Variants in TAFA5 observed in about 807,000 individuals in gnomAD.
The protein encoded by TAFA5 is chemokine-like protein TAFA-5.
Under a neutral mutation model 15.3 loss-of-function variants are expected in TAFA5, and 6 were observed. The observed-to-expected ratio is 0.39, with a 90% CI of 0.21 to 0.77. The LOEUF is 0.77. Among genes scored for constraint, TAFA5 ranks in the 30% least tolerant of loss-of-function variants. The pLI, the probability that TAFA5 is intolerant of heterozygous loss-of-function variation, is 0.41. For synonymous variants in TAFA5, 103 were observed against 80.7 expected, an observed-to-expected ratio of 1.28 and a Z score of -1.48; for missense variants, 161 against 193.1, an observed-to-expected ratio of 0.83 and a Z score of 0.98.
At chr22:48,659,373 G>C (rs1361016451) in intron 2 of TAFA5, among the ~76,000 whole-genome samples, 1 of 152,244 alleles carries the variant, frequency 6.6e-6, no homozygotes, top group African/African-American at 2.4e-5. Context: ...CAGCCAGGAG[G>C]CTGAGTCCAA....
rs1169192312 is a variant in TAFA5 at position 48,592,187 on chromosome 22, G to A, written c.113-54410G>A. Among the ~76,000 whole-genome samples, 3 of 152,184 alleles carry A rather than the reference G, an allele frequency of 2.0e-5. No homozygotes were observed. In the South Asian group the frequency reaches 6.2e-4, roughly 31 times the overall value. On this transcript the variant is annotated intron_variant, in intron 1 of 3. Coordinates refer to ENST00000402357, the MANE Select transcript of TAFA5 (RefSeq NM_001082967.3). ...CACCCATGGTGCTGACCCTGTGCCA[G>A]TGCTGTGCCCAGGGCACTGTGCCAG...
chr22:48,646,417 A>G (rs769749825), intron 1 of TAFA5, among the ~76,000 whole-genome samples, 180 bp from the exon 2 acceptor site: 13 of 152,168 alleles, frequency 8.5e-5, no homozygotes, highest in Non-Finnish European at 1.3e-4. Context: ...TCTGGCTTCC[A>G]TCGAGCGCTC....
chr22:48,629,525 G>A (rs910962759), intron 1 of TAFA5, among the ~76,000 whole-genome samples: 8 of 152,188 alleles, frequency 5.3e-5, no homozygotes, highest in African/African-American at 4.8e-5. Context: ...GCCTAGAAAC[G>A]GTCTGAAAGG....
rs530400003 is a variant in TAFA5, at chr22:48,654,027, T to C, written c.262+7281T>C. Reference sequence around the variant, plus strand: ...CACGGCGGCTCTGGAGGGAAGGGGGTGGTCTCCTTGCTCTAGCCTCTCCAT... The same window carrying C: ...CACGGCGGCTCTGGAGGGAAGGGGGCGGTCTCCTTGCTCTAGCCTCTCCAT... On this transcript the variant is annotated intron_variant, in intron 2 of 3. Coordinates refer to ENST00000402357, the MANE Select transcript of TAFA5 (RefSeq NM_001082967.3). Among the ~76,000 whole-genome samples, 209 of 151,148 alleles carry C rather than the reference T, an allele frequency of 1.4e-3. 1 individual carries two copies. Among genetic ancestry groups the C allele is most frequent in the South Asian group, 4.0e-3 (19 of 4,752 alleles).
chr22:48,634,942 C>T (rs1926392599), intron 1 of TAFA5, among the ~76,000 whole-genome samples: 1 of 152,128 alleles, frequency 6.6e-6, no homozygotes, highest in African/African-American at 2.4e-5. Flanking sequence ...TTTGTGTCCA[C>T]ACCAAAGAGG....
intron 2 of TAFA5, among the ~76,000 whole-genome samples, chr22:48,683,179 A>G (rs1195777260): frequency 6.6e-6 from 1 of 152,146 alleles, no homozygotes; most frequent in African/African-American, 2.4e-5. Context: ...TGGTAAACGC[A>G]CACACACAGA....
chr22:48,542,976 T>C (rs1214568151), intron 1 of TAFA5, among the ~76,000 whole-genome samples: 3 of 151,688 alleles, frequency 2.0e-5, no homozygotes, highest in Non-Finnish European at 4.4e-5. Context: ...TGGTGTGTAG[T>C]GTGTGATGTG....
At chr22:48,631,568 C>T (rs996086726) in intron 1 of TAFA5, among the ~76,000 whole-genome samples, 5 of 152,216 alleles carry the variant, frequency 3.3e-5, no homozygotes, top group African/African-American at 1.2e-4. Flanking sequence ...GGACCAGAGC[C>T]CCTGCTGCCT....
chr22:48,540,424 G>A (rs1007425052), intron 1 of TAFA5, among the ~76,000 whole-genome samples: 51 of 152,064 alleles, frequency 3.4e-4, no homozygotes, highest in Non-Finnish European at 1.8e-4. Flanking sequence ...ACTGACACCC[G>A]CCATGGGAAC....
intron 1 of TAFA5, among the ~76,000 whole-genome samples, chr22:48,624,471 C>T (rs1398668267): frequency 6.6e-6 from 1 of 152,192 alleles, no homozygotes; most frequent in Non-Finnish European, 1.5e-5. Flanking sequence ...TCTTCAGCGT[C>T]GGAGACATGC....
intron 3 of TAFA5, 115 bp downstream of exon 3, chr22:48,707,959 T>G: frequency 1.4e-6 from 2 of 1,379,640 alleles, no homozygotes; most frequent in African/African-American, 1.4e-5. Flanking sequence ...TCCATCCTCA[T>G]GCAGAGAGGC....
intron 1 of TAFA5, among the ~76,000 whole-genome samples, chr22:48,615,793 A>AT (rs1925581104): frequency 6.6e-6 from 1 of 152,130 alleles, no homozygotes; most frequent in Non-Finnish European, 1.5e-5. Context: ...GCGGGGGACC[A>AT]TGGAGGTACA....
intron 1 of TAFA5, among the ~76,000 whole-genome samples, chr22:48,634,254 A>G (rs1926358224): frequency 6.6e-6 from 1 of 151,862 alleles, no homozygotes; most frequent in Non-Finnish European, 1.5e-5. Context: ...TTATTCAATC[A>G]TTTACTCATT....
At chr22:48,635,066 GC>G (rs1926396460) in intron 1 of TAFA5, among the ~76,000 whole-genome samples, 1 of 152,230 alleles carries the variant, frequency 6.6e-6, no homozygotes, top group Non-Finnish European at 1.5e-5. Context: ...CCACCATCCT[GC>G]CCGGGCTGTT....
chr22:48,561,456 T>C (rs1459541159), intron 1 of TAFA5, among the ~76,000 whole-genome samples: 1 of 152,138 alleles, frequency 6.6e-6, no homozygotes, highest in African/African-American at 2.4e-5. Flanking sequence ...AGGGGCTGTG[T>C]TTCCAGCCTC....
chr22:48,578,939 G>A (rs553690460), intron 1 of TAFA5, among the ~76,000 whole-genome samples: 1 of 152,372 alleles, frequency 6.6e-6, no homozygotes, highest in South Asian at 2.1e-4. Context: ...CTGTCCAGCA[G>A]GAGGGAGGGA....
chr22:48,522,930 G>C lies in TAFA5; in HGVS notation c.112+33226G>C, dbSNP rs371335959. ...TGGGGGACTAGAGGGTGGGGCTGCT[G>C]AGCACAGGGCAAGACACTTCCAATG... On this transcript the variant is annotated intron_variant, in intron 1 of 3. Transcript: ENST00000402357. 6.3e-4 allele frequency among the ~76,000 whole-genome samples: 96 copies of C among 152,344 alleles called. 1 individual carries two copies. The South Asian group carries it at 0.019, about 31-fold the overall frequency.
At chr22:48,645,188 C>T (rs900844764) in intron 1 of TAFA5, among the ~76,000 whole-genome samples, 6 of 152,206 alleles carry the variant, frequency 3.9e-5, no homozygotes, top group African/African-American at 1.2e-4. Context: ...TGGCACTCAC[C>T]GTTCAGGGCA....
chr22:48,640,378 C>T (rs1028286556), intron 1 of TAFA5, among the ~76,000 whole-genome samples: 5 of 152,214 alleles, frequency 3.3e-5, no homozygotes. Flanking sequence ...GGGCCCACGG[C>T]CTGCGGAAGC....
Sources: allele counts gnomAD v4.1 joint callset (sites outside exome capture counted in the v4.1 genomes callset), GRCh38; gene constraint gnomAD v4.1.1; transcripts MANE v1.5; gene names NCBI Gene and HGNC (gene_info 2026-07-23, HGNC 2026-07-21).